The following MAP2K5 variants were observed in gnomAD, a reference collection of about 807,000 sequenced individuals.
MAP2K5 encodes the protein dual specificity mitogen-activated protein kinase kinase 5.
Under a neutral mutation model 83.1 loss-of-function variants are expected in MAP2K5, and 49 were observed. The ratio of observed to expected loss-of-function variants is 0.59; its 90% CI spans 0.47 to 0.75. The LOEUF is 0.75. MAP2K5 is among the 30% of genes least tolerant of loss of function. The pLI is 0.00. For missense variants in MAP2K5, 457 were observed against 557.5 expected (o/e 0.82, Z 1.82); for synonymous variants, 202 against 191.8 (o/e 1.05, Z -0.44).
chr15:67,766,096 T>C (rs1020720194), intron 19 of MAP2K5, among the ~76,000 whole-genome samples: 4 of 152,216 alleles, frequency 2.6e-5, no homozygotes, highest in African/African-American at 9.6e-5. Flanking sequence ...CCTCTGAGGC[T>C]TGGAAACTGT....
chr15:67,609,524 T>C (rs1350624915), intron 8 of MAP2K5, among the ~76,000 whole-genome samples: 1 of 110,008 alleles, frequency 9.1e-6, no homozygotes, highest in Non-Finnish European at 2.0e-5. Flanking sequence ...TCTATAGGTC[T>C]GTAGATTCTG....
At position 67,646,303 on chromosome 15, in the gene MAP2K5, A is replaced by T. The variant is rs751549517; in HGVS notation, c.654+4A>T. 6 of 1,448,844 alleles carry T rather than the reference A, an allele frequency of 4.1e-6. No homozygotes were observed. In the Admixed American group the frequency reaches 5.3e-5, roughly 13 times the overall value. The allele number at this position is 1,448,844 out of a possible 1,614,324, so 89.7% of individuals were successfully genotyped here. ...TGAATTGGAAATTCTTTATAAGGTA[A>T]TTTTTTCATAATTTTTATTTGTAAA... On this transcript the variant is annotated splice_donor_region_variant and intron_variant, in intron 10 of 21. Transcript: ENST00000178640.
intron 17 of MAP2K5, among the ~76,000 whole-genome samples, chr15:67,737,301 T>C (rs2089363606): frequency 1.3e-5 from 2 of 152,202 alleles, no homozygotes; most frequent in African/African-American, 4.8e-5. Context: ...TCAACTTTTA[T>C]TATACTCCAG....
chr15:67,679,124 C>A (rs2087751182), intron 13 of MAP2K5, among the ~76,000 whole-genome samples: 1 of 152,174 alleles, frequency 6.6e-6, no homozygotes, highest in Non-Finnish European at 1.5e-5. Context: ...GGGTAACCTC[C>A]CACCCTGACC....
At chr15:67,789,056 C>CT (rs1328654460) in intron 21 of MAP2K5, among the ~76,000 whole-genome samples, 3 of 151,920 alleles carry the variant, frequency 2.0e-5, no homozygotes, top group Admixed American at 2.0e-4. Flanking sequence ...TCTTCCAGCC[C>CT]TAATCTCTAG....
At chr15:67,743,799 C>G (rs1179771117) in intron 17 of MAP2K5, among the ~76,000 whole-genome samples, 1 of 152,198 alleles carries the variant, frequency 6.6e-6, no homozygotes, top group Non-Finnish European at 1.5e-5. Flanking sequence ...AAACATGGCT[C>G]CTGAATGGGA....
intron 2 of MAP2K5, among the ~76,000 whole-genome samples, chr15:67,553,072 A>C (rs550141855): frequency 2.6e-4 from 40 of 152,284 alleles, no homozygotes; most frequent in African/African-American, 9.4e-4. Context: ...TATTTTAACT[A>C]TCATTCATTG....
chr15:67,544,201 C>T (rs1272841645), intron 1 of MAP2K5, among the ~76,000 whole-genome samples: 3 of 152,144 alleles, frequency 2.0e-5, no homozygotes, highest in African/African-American at 4.8e-5. Context: ...CCTGAGCAAA[C>T]TTAAAGCATC....
In MAP2K5 at chr15:67,630,870, T is replaced by G. The variant is rs764430726; in HGVS notation, c.546-18T>G. The G allele has an allele frequency of 1.2e-6, 2 of 1,604,340 alleles. No individual in the cohort carries two copies. The highest frequency in any genetic ancestry group is 8.5e-7 in the Non-Finnish European group (1 of 1,172,850). On this transcript the variant is annotated intron_variant, in intron 8 of 21. Coordinates refer to ENST00000178640, the MANE Select transcript of MAP2K5 (RefSeq NM_145160.3). ...GTTTAGTGATCCCAAATGATTTTGT[T>G]TTTTTTTCTTCCCATAGAGCATATC...
chr15:67,754,655 A>C (rs763824029), intron 19 of MAP2K5, among the ~76,000 whole-genome samples: 3 of 152,192 alleles, frequency 2.0e-5, no homozygotes, highest in Non-Finnish European at 2.9e-5. Flanking sequence ...ATGATATTTG[A>C]GCTGGGCTTT....
chr15:67,628,975 A>G (rs917426011), intron 8 of MAP2K5: 2 of 762,878 alleles, frequency 2.6e-6, no homozygotes, highest in African/African-American at 1.7e-5. Context: ...AATTTCAACA[A>G]TCAGTCTTCA....
intron 9 of MAP2K5, among the ~76,000 whole-genome samples, chr15:67,639,770 G>A (rs534834309): frequency 1.5e-4 from 23 of 152,288 alleles, no homozygotes; most frequent in African/African-American, 5.3e-4. Flanking sequence ...AGTTGAACTC[G>A]TTGCCTTATC....
intron 2 of MAP2K5, among the ~76,000 whole-genome samples, chr15:67,550,573 C>T (rs2084487092): frequency 6.6e-6 from 1 of 152,236 alleles, no homozygotes; most frequent in South Asian, 2.1e-4. Flanking sequence ...CCACAGTTGG[C>T]CTGGGGACAG....
In MAP2K5 at chr15:67,782,355, A is replaced by C. The variant is rs895266760; in HGVS notation, c.1242+9603A>C. On this transcript the variant is annotated intron_variant, in intron 21 of 21. Coordinates refer to ENST00000178640, the MANE Select transcript of MAP2K5 (RefSeq NM_145160.3). The surrounding 1 kb of genome is among the most constrained non-coding windows in gnomAD (Gnocchi z 4.9). ...TTAAGGCAAATCTGCCGATGTAAAC[A>C]AAATTTAGCAGAAACAGATGCCCTA... 1.3e-5 allele frequency among the ~76,000 whole-genome samples: 2 copies of C among 152,256 alleles called. No homozygotes were observed. Among genetic ancestry groups the C allele is most frequent in the Non-Finnish European group, 2.9e-5 (2 of 68,050 alleles).
intron 9 of MAP2K5, among the ~76,000 whole-genome samples, 181 bp from the exon 10 acceptor site, chr15:67,646,050 A>G (rs1221042067): frequency 6.6e-6 from 1 of 152,150 alleles, no homozygotes; most frequent in Non-Finnish European, 1.5e-5. Flanking sequence ...CTCCCCCAGT[A>G]TAGAAGGACA....
At chr15:67,664,941 C>T (rs186987469) in intron 13 of MAP2K5, among the ~76,000 whole-genome samples, 4 of 152,182 alleles carry the variant, frequency 2.6e-5, no homozygotes, top group Non-Finnish European at 5.9e-5. Context: ...ATTGTTAATG[C>T]AAAACCTTTG....
Position 67,690,316 on chromosome 15 carries a change from C to T in MAP2K5, c.848-2163C>T, listed in dbSNP as rs947202627. Among the ~76,000 whole-genome samples, 1 of 152,128 alleles carries T rather than the reference C, an allele frequency of 6.6e-6. No homozygotes were observed. Among genetic ancestry groups the T allele is most frequent in the Non-Finnish European group, 1.5e-5 (1 of 68,044 alleles). On this transcript the variant is annotated intron_variant, in intron 13 of 21. Transcript: ENST00000178640. The surrounding 1 kb of genome is among the most constrained non-coding windows in gnomAD (Gnocchi z 4.3). ...ATGTGTTGTGCTAACTACTGGGGCA[C>T]ACTTGAAAGCACAACCCTGTTCTTA...
chr15:67,761,302 CT>C (rs150712960), intron 19 of MAP2K5, among the ~76,000 whole-genome samples: 1,588 of 152,236 alleles, frequency 0.01, 39 homozygotes, highest in African/African-American at 0.037. Context: ...TAGTTTTAAA[CT>C]GGTGTAGTGT....
intron 3 of MAP2K5, among the ~76,000 whole-genome samples, chr15:67,576,060 G>A (rs1035786240): frequency 6.9e-6 from 1 of 145,208 alleles, no homozygotes; most frequent in Admixed American, 6.9e-5. Flanking sequence ...GGGATTACAG[G>A]TGCACACCAC....
Sources: allele counts gnomAD v4.1 joint callset (sites outside exome capture counted in the v4.1 genomes callset), GRCh38; gene constraint gnomAD v4.1.1; non-coding constraint Gnocchi (gnomAD v3.1); transcripts MANE v1.5; gene names NCBI Gene and HGNC (gene_info 2026-07-23, HGNC 2026-07-21).